Variants in SBF2 observed in about 807,000 individuals in gnomAD.
SBF2 encodes the protein myotubularin-related protein 13.
SBF2 carries 112 observed loss-of-function variants against 225.2 expected under a neutral mutation model. That is an observed-to-expected ratio of 0.50 (90% CI 0.43 to 0.58). The LOEUF (loss-of-function observed/expected upper bound fraction) is 0.58. Among genes scored for constraint, SBF2 ranks in the 20% least tolerant of loss-of-function variants. The pLI is 0.00. For synonymous variants in SBF2, 763 were observed against 773.3 expected (o/e 0.99, Z 0.22); for missense variants, 1,996 against 2,206.2 (o/e 0.90, Z 1.91).
chr11:9,847,229 C>G (rs956634084), intron 22 of SBF2, 146 bp from the exon 23 acceptor site: 2 of 967,104 alleles, frequency 2.1e-6, no homozygotes, highest in Non-Finnish European at 3.2e-6. Context: ...GTGCCCTTCA[C>G]TCCAGAAAAG....
intron 25 of SBF2, among the ~76,000 whole-genome samples, chr11:9,840,317 T>G (rs979274070): frequency 6.6e-6 from 1 of 151,788 alleles, no homozygotes; most frequent in Admixed American, 6.6e-5. Context: ...AGGTTTATAT[T>G]AGGATGACAA....
chr11:10,016,511 G>A (rs1328524681), intron 6 of SBF2: 1 of 151,872 alleles, frequency 6.6e-6, no homozygotes, highest in Non-Finnish European at 1.5e-5. Context: ...TTTTGAGATG[G>A]AGTCTCGCTC....
At chr11:10,001,769 A>G (rs372251290) in intron 7 of SBF2, among the ~76,000 whole-genome samples, 127 of 151,992 alleles carry the variant, frequency 8.4e-4, no homozygotes, top group African/African-American at 2.9e-3. Flanking sequence ...CTCGTGATCC[A>G]CCCGCCTCGG....
At chr11:9,866,170 T>A (rs1188816541) in intron 17 of SBF2, among the ~76,000 whole-genome samples, 1 of 152,144 alleles carries the variant, frequency 6.6e-6, no homozygotes, top group Non-Finnish European at 1.5e-5. Context: ...GCAAATCCAC[T>A]ATTTCAAAAA....
chr11:9,846,676 T>A (rs1856571877), intron 23 of SBF2, among the ~76,000 whole-genome samples: 1 of 152,228 alleles, frequency 6.6e-6, no homozygotes, highest in South Asian at 2.1e-4. Flanking sequence ...TATTGAGGTA[T>A]AACTTGGCAG....
intron 8 of SBF2, among the ~76,000 whole-genome samples, chr11:9,999,415 G>A (rs1425382338): frequency 6.6e-6 from 1 of 152,074 alleles, no homozygotes; most frequent in Non-Finnish European, 1.5e-5. Context: ...CCACCTCCCA[G>A]GTTCAAGTGA....
chr11:10,281,481 G>A (rs1232525796), intron 1 of SBF2, among the ~76,000 whole-genome samples: 1 of 152,204 alleles, frequency 6.6e-6, no homozygotes, highest in African/African-American at 2.4e-5. Flanking sequence ...ACTTGAAACA[G>A]TCTCTCTTAT....
chr11:9,816,766 G>A, intron 29 of SBF2, 74 bp downstream of exon 29: 1 of 1,460,954 alleles, frequency 6.8e-7, no homozygotes, highest in Non-Finnish European at 9.5e-7. Flanking sequence ...TAGCAAAGCT[G>A]GTTTGTGATA....
intron 2 of SBF2, among the ~76,000 whole-genome samples, chr11:10,089,237 C>T (rs1266578546): frequency 6.6e-6 from 1 of 152,164 alleles, no homozygotes; most frequent in East Asian, 1.9e-4. Context: ...TATGAGTCCA[C>T]ACTGTATGTC....
At chr11:10,250,468 G>A (rs1960236395) in intron 1 of SBF2, among the ~76,000 whole-genome samples, 1 of 152,100 alleles carries the variant, frequency 6.6e-6, no homozygotes, top group Admixed American at 6.5e-5. Flanking sequence ...GATCCAAATT[G>A]AATATACAGA....
intron 1 of SBF2, among the ~76,000 whole-genome samples, chr11:10,291,497 T>C (rs937870455): frequency 6.6e-6 from 1 of 152,146 alleles, no homozygotes; most frequent in Non-Finnish European, 1.5e-5. Context: ...CTAAGGCAAA[T>C]AGTAACAGAA....
chr11:10,120,870 G>A (rs905158493), intron 2 of SBF2, among the ~76,000 whole-genome samples: 2 of 152,026 alleles, frequency 1.3e-5, no homozygotes, highest in East Asian at 1.9e-4. Flanking sequence ...CACCTGCCTC[G>A]GCCTCCCAAA....
chr11:9,812,465 G>C, intron 30 of SBF2, 67 bp downstream of exon 30: 1 of 1,539,982 alleles, frequency 6.5e-7, no homozygotes. Flanking sequence ...CTCAAATACA[G>C]TTCTGTATAT....
At chr11:9,947,996 CA>C in intron 16 of SBF2, among the ~76,000 whole-genome samples, 1 of 152,094 alleles carries the variant, frequency 6.6e-6, no homozygotes, top group East Asian at 1.9e-4. Context: ...ATGTTCATAG[CA>C]GCATTATTTA....
At chr11:9,920,182 ATG>A (rs137939953) in intron 16 of SBF2, among the ~76,000 whole-genome samples, 29,708 of 146,770 alleles carry the variant, frequency 0.2, 3,323 homozygotes, top group Non-Finnish European at 0.26. Context: ...CAAATACTAT[ATG>A]TGTGTGTGTG....
At chr11:10,170,474 C>T (rs1956141069) in intron 2 of SBF2, among the ~76,000 whole-genome samples, 2 of 152,002 alleles carry the variant, frequency 1.3e-5, no homozygotes, top group South Asian at 2.1e-4. Flanking sequence ...CTATTCTGTT[C>T]CATTGGTTTG....
rs574177096 is a variant in SBF2 at position 9,932,957 on chromosome 11, C to CAAAAAAAAAAAA, written c.1860+28988_1860+28999dup. Among the ~76,000 whole-genome samples the CAAAAAAAAAAAA allele has an allele frequency of 2.2e-4, 13 of 58,770 alleles. 1 individual carries two copies. Among genetic ancestry groups the CAAAAAAAAAAAA allele is most frequent in the East Asian group, 2.4e-3 (1 of 420 alleles). The allele number at this position is 58,770 out of a possible 152,430, so 38.6% of individuals were successfully genotyped here. A position where few individuals can be genotyped will look rare whatever the true frequency, so the allele number is the denominator to read the frequency against. On this transcript the variant is annotated intron_variant, in intron 16 of 39. Coordinates refer to ENST00000256190, the MANE Select transcript of SBF2 (RefSeq NM_030962.4). ...GGAGATCTACCAAGCAAACGAAAAG[C>CAAAAAAAAAAAA]AAAAAAAAAAAAAAAAAAAAAAAAA...
chr11:9,944,997 T>C (rs978218490), intron 16 of SBF2, among the ~76,000 whole-genome samples: 1 of 151,952 alleles, frequency 6.6e-6, no homozygotes, highest in Non-Finnish European at 1.5e-5. Flanking sequence ...TCCAGTTACA[T>C]GGGAGGCTGA....
rs186864078 is a variant in SBF2 at position 9,866,271 on chromosome 11, C to T, written c.1930-7875G>A. On this transcript the variant is annotated intron_variant, in intron 17 of 39. Transcript: ENST00000256190. Reference sequence around the variant, plus strand: ...CACATAAGACCCTGAATAGCCAAAGCAATCCTGAGGAAAAAAAAACAAAGC... The same window carrying T: ...CACATAAGACCCTGAATAGCCAAAGTAATCCTGAGGAAAAAAAAACAAAGC... 3.2e-3 allele frequency among the ~76,000 whole-genome samples: 480 copies of T among 151,910 alleles called. 2 individuals carry two copies. The highest frequency in any genetic ancestry group is 0.011 in the African/African-American group (460 of 41,426).
Sources: gnomAD v4.1 joint callset for allele counts (sites outside exome capture counted in the v4.1 genomes callset) on GRCh38, gnomAD v4.1.1 for gene constraint, MANE v1.5 for transcripts, NCBI Gene and HGNC (gene_info 2026-07-23, HGNC 2026-07-21) for gene names.